The following KRR1 variants were observed in gnomAD, a reference collection of about 807,000 sequenced individuals.
KRR1 encodes KRR1 small subunit processome component homolog.
In KRR1, 23 loss-of-function variants were observed where a neutral mutation model predicts 50.0. The ratio of observed to expected loss-of-function variants is 0.46; its 90% CI spans 0.33 to 0.65. KRR1 has a LOEUF of 0.65. KRR1 is among the 30% of genes least tolerant of loss of function. KRR1 has a pLI of 0.02. For missense variants in KRR1, 419 were observed against 442.4 expected, an observed-to-expected ratio of 0.95 and a Z score of 0.47; for synonymous variants, 133 against 146.3, an observed-to-expected ratio of 0.91 and a Z score of 0.66.
rs1015915211 is a variant in KRR1 at position 75,493,489 on chromosome 12, G to A, written c.*6320C>T. ...CCTGGGCACCATGAACAAGGGTATG[G>A]TGTGTAACAGATCTTTACTCAGAGT... On this transcript the variant is annotated 3_prime_UTR_variant, in exon 10 of 10. Transcript: ENST00000229214. 4 of 152,138 alleles carry A rather than the reference G, an allele frequency of 2.6e-5. No homozygotes were observed. The highest frequency in any genetic ancestry group is 9.7e-5 in the African/African-American group (4 of 41,416). 9.4% of individuals were successfully genotyped at this position (152,138 alleles called of 1,614,324 possible).
rs779551304 is a variant in KRR1 at position 75,505,213 on chromosome 12, T to A, written c.645A>T (p.Pro215=). The A allele has an allele frequency of 3.8e-6, 6 of 1,565,040 alleles. No individual in the cohort carries two copies. The change falls in exon 6 of 10, where the codon CCA becomes CCT. Residue 215 remains proline (P), a synonymous_variant. Coordinates refer to ENST00000229214, the MANE Select transcript of KRR1 (RefSeq NM_007043.7). The stretch of plus-strand genomic sequence containing the variant: ...TACCACTCACTTTAATGTTATAAAT[T>A]GGATGAATATTCTTCATAGTATCAA... The part of the protein sequence containing the change: ...VVLDTMKNIH[P]IYNIKSLMIK...
At position 75,501,823 on chromosome 12, in the gene KRR1, TAATA is replaced by T; in HGVS notation, c.910-11_910-8del. ...TGGCTTCTGCTTGTTTAGCCTACAT[TAATA>T]AATAAAAAATATATCAGTTAAATGT... On this transcript the variant is annotated splice_region_variant and splice_polypyrimidine_tract_variant and intron_variant, in intron 8 of 9. Coordinates refer to ENST00000229214, the MANE Select transcript of KRR1 (RefSeq NM_007043.7). 1 of 1,591,598 alleles carries T rather than the reference TAATA, an allele frequency of 6.3e-7. No homozygotes were observed. Among genetic ancestry groups the T allele is most frequent in the Non-Finnish European group, 8.6e-7 (1 of 1,167,750 alleles).
rs776295153 is a variant in KRR1 at position 75,501,832 on chromosome 12, A to G, written c.910-16T>C. 5 of 1,580,908 alleles carry G rather than the reference A, an allele frequency of 3.2e-6. No homozygotes were observed. The South Asian group carries it at 5.7e-5, about 18-fold the overall frequency. On this transcript the variant is annotated splice_polypyrimidine_tract_variant and intron_variant, in intron 8 of 9. Coordinates refer to ENST00000229214, the MANE Select transcript of KRR1 (RefSeq NM_007043.7). The stretch of plus-strand genomic sequence containing the variant: ...CTTGTTTAGCCTACATTAATAAATA[A>G]AAAATATATCAGTTAAATGTATTTA...
chr12:75,494,918 G>A lies in KRR1; in HGVS notation c.*4891C>T, dbSNP rs2046341717. On this transcript the variant is annotated 3_prime_UTR_variant, in exon 10 of 10. Transcript: ENST00000229214. ...ACAGTAACTTCCTCATAGGGTTTTT[G>A]TGAAGATTATTTCATTCAAGGTTGT... is the stretch of plus-strand genomic sequence containing the variant. The A allele has an allele frequency of 6.6e-6, 1 of 152,226 alleles. No individual in the cohort carries two copies. The highest frequency in any genetic ancestry group is 6.5e-5 in the Admixed American group (1 of 15,290). The allele number at this position is 152,226 out of a possible 1,614,324, so 9.4% of individuals were successfully genotyped here. A position where few individuals can be genotyped will look rare whatever the true frequency, so the allele number is the denominator to read the frequency against.
In KRR1 at chr12:75,496,598, A is replaced by G. The variant is rs1258075592; in HGVS notation, c.*3211T>C. 6.6e-6 allele frequency: 1 copy of G among 152,142 alleles called. No individual in the cohort carries two copies. The highest frequency in any genetic ancestry group is 1.5e-5 in the Non-Finnish European group (1 of 68,030). The allele number at this position is 152,142 out of a possible 1,614,324, so 9.4% of individuals were successfully genotyped here. A position where few individuals can be genotyped will look rare whatever the true frequency, so the allele number is the denominator to read the frequency against. On this transcript the variant is annotated 3_prime_UTR_variant, in exon 10 of 10. Transcript: ENST00000229214. The stretch of plus-strand genomic sequence containing the variant: ...TTTTTTACCATGGTGTGAAGGGGAA[A>G]CTTCAATTAAGCTGTGCAAAGCCTG...
chr12:75,495,487 A>G lies in KRR1; in HGVS notation c.*4322T>C, dbSNP rs2046344673. On this transcript the variant is annotated 3_prime_UTR_variant, in exon 10 of 10. Coordinates refer to ENST00000229214, the MANE Select transcript of KRR1 (RefSeq NM_007043.7). The stretch of plus-strand genomic sequence containing the variant: ...CTGGACCTTTGTACTTCACTCCACT[A>G]TTCTTCTGGATTTAGTTAAGGATTC... 2 of 700,656 alleles carry G rather than the reference A, an allele frequency of 2.9e-6. No homozygotes were observed. Among genetic ancestry groups the G allele is most frequent in the Admixed American group, 2.2e-5 (1 of 46,118 alleles). The allele number at this position is 700,656 out of a possible 1,614,324, so 43.4% of individuals were successfully genotyped here. A position where few individuals can be genotyped will look rare whatever the true frequency, so the allele number is the denominator to read the frequency against.
Position 75,506,338 on chromosome 12 carries a change from C to G in KRR1, c.581G>C (p.Gly194Ala). Residue 194 changes from glycine to alanine, a missense_variant, in exon 5 of 10, where the codon GGA (glycine) becomes GCA (alanine). By Grantham distance (60) the Gly-to-Ala change is moderately conservative. Coordinates refer to ENST00000229214, the MANE Select transcript of KRR1 (RefSeq NM_007043.7). ...CACCTCTTTTAAGCCACTAAAAGGT[C>G]CAATGGCTGAAACTGTGTTTCCCTG... ...MVQGNTVSAI[G>A]PFSGLKEVRK... 1 of 1,610,326 alleles carries G rather than the reference C, an allele frequency of 6.2e-7. No individual in the cohort carries two copies. Among genetic ancestry groups the G allele is most frequent in the Non-Finnish European group, 8.5e-7 (1 of 1,177,600 alleles).
Position 75,511,363 on chromosome 12 carries a change from G to A in KRR1, c.85+150C>T, listed in dbSNP as rs1318182110. The stretch of plus-strand genomic sequence containing the variant: ...CCATATCGGCCAGCCGTTCCTGTGG[G>A]CCCAGCCAAAATCTTATCAGCGATT... On this transcript the variant is annotated intron_variant, in intron 1 of 9. Coordinates refer to ENST00000229214, the MANE Select transcript of KRR1 (RefSeq NM_007043.7). 7 of 671,964 alleles carry A rather than the reference G, an allele frequency of 1.0e-5. No individual in the cohort carries two copies. In the East Asian group the frequency reaches 1.3e-4, roughly 13 times the overall value. 41.6% of individuals were successfully genotyped at this position (671,964 alleles called of 1,614,324 possible). A position where few individuals can be genotyped will look rare whatever the true frequency, so the allele number is the denominator to read the frequency against.
rs1455334688 is a variant in KRR1, at chr12:75,491,815, T to C, written c.*7994A>G. On this transcript the variant is annotated 3_prime_UTR_variant, in exon 10 of 10. Coordinates refer to ENST00000229214, the MANE Select transcript of KRR1 (RefSeq NM_007043.7). ...TATAAAAGTTTTTATATTTTAAAGG[T>C]TTTTAACCATTTGCAATATATATAA... is the stretch of plus-strand genomic sequence containing the variant. The C allele has an allele frequency of 6.6e-6, 1 of 152,122 alleles. No homozygotes were observed. Among genetic ancestry groups the C allele is most frequent in the Non-Finnish European group, 1.5e-5 (1 of 68,020 alleles). 9.4% of individuals were successfully genotyped at this position (152,122 alleles called of 1,614,324 possible). A position where few individuals can be genotyped will look rare whatever the true frequency, so the allele number is the denominator to read the frequency against.
rs757605341 is a variant in KRR1, at chr12:75,506,544, A to T, written c.459T>A (p.Asn153Lys). 1 of 1,608,040 alleles carries T rather than the reference A, an allele frequency of 6.2e-7. No individual in the cohort carries two copies. The highest frequency in any genetic ancestry group is 1.7e-5 in the Admixed American group (1 of 59,120). Reference protein sequence around the residue: ...DIIKIGSLVRNKERFVKRRQR... With the variant: ...DIIKIGSLVRKKERFVKRRQR... Reference sequence around the variant, plus strand: ...GTCTTCGTTTTACAAATCTCTCTTTATTCCTTACTAAAGAACCTATTTTAA... The same window carrying T: ...GTCTTCGTTTTACAAATCTCTCTTTTTTCCTTACTAAAGAACCTATTTTAA... The change falls in exon 4 of 10, where the codon AAT (asparagine) becomes AAA (lysine). Residue 153 changes from asparagine to lysine, a missense_variant. Physicochemically the swap from Asn to Lys is moderately conservative, Grantham distance 94. Coordinates refer to ENST00000229214, the MANE Select transcript of KRR1 (RefSeq NM_007043.7).
At position 75,492,102 on chromosome 12, in the gene KRR1, T is replaced by TTC. The variant is rs1418441625; in HGVS notation, c.*7706_*7707insGA. ...ACTTTTCATGACTTTTTTTTTTTTT[T>TTC]TTGAGACAGGGTCTCTCACTCTGTC... On this transcript the variant is annotated 3_prime_UTR_variant, in exon 10 of 10. Transcript: ENST00000229214. 1 of 151,752 alleles carries TTC rather than the reference T, an allele frequency of 6.6e-6. No individual in the cohort carries two copies. Among genetic ancestry groups the TTC allele is most frequent in the Non-Finnish European group, 1.5e-5 (1 of 67,958 alleles). 9.4% of individuals were successfully genotyped at this position (151,752 alleles called of 1,614,324 possible).
chr12:75,510,176 A>G (rs972348589), intron 1 of KRR1, among the ~76,000 whole-genome samples: 3 of 152,186 alleles, frequency 2.0e-5, no homozygotes, highest in African/African-American at 4.8e-5. Flanking sequence ...AGGCAATGAC[A>G]ACTTTCGTCC....
intron 1 of KRR1, among the ~76,000 whole-genome samples, chr12:75,511,087 T>C (rs1046867372): frequency 3.3e-5 from 5 of 152,202 alleles, no homozygotes; most frequent in Non-Finnish European, 5.9e-5. Flanking sequence ...GCTAAGGACA[T>C]GTCGGATAGC....
At chr12:75,504,138 C>A in intron 6 of KRR1, 64 bp from the exon 7 acceptor site, 1 of 1,165,786 alleles carries the variant, frequency 8.6e-7, no homozygotes, top group Non-Finnish European at 1.2e-6. Flanking sequence ...CAGACTCAGA[C>A]ATTATAAATA....
chr12:75,510,817 T>G (rs1374192183), intron 1 of KRR1, among the ~76,000 whole-genome samples: 1 of 152,212 alleles, frequency 6.6e-6, no homozygotes, highest in Non-Finnish European at 1.5e-5. Flanking sequence ...AAAGAAACTT[T>G]GAATACTTTC....
chr12:75,502,313 G>A, intron 7 of KRR1: 1 of 228,586 alleles, frequency 4.4e-6, no homozygotes, highest in Non-Finnish European at 8.6e-6. Flanking sequence ...AGCTTCAATG[G>A]CAGACAAAGT....
In KRR1 at chr12:75,496,503, A is replaced by G. The variant is rs2046352477; in HGVS notation, c.*3306T>C. On this transcript the variant is annotated 3_prime_UTR_variant, in exon 10 of 10. Transcript: ENST00000229214. Reference sequence around the variant, plus strand: ...CAAAATTCTGCTTTGTGATTTTGAAATATTAGTAAGTGACCAAGAGTTTAT... The same window carrying G: ...CAAAATTCTGCTTTGTGATTTTGAAGTATTAGTAAGTGACCAAGAGTTTAT... 6.6e-6 allele frequency: 1 copy of G among 152,188 alleles called. No individual in the cohort carries two copies. Among genetic ancestry groups the G allele is most frequent in the African/African-American group, 2.4e-5 (1 of 41,454 alleles). The allele number at this position is 152,188 out of a possible 1,614,324, so 9.4% of individuals were successfully genotyped here.
intron 9 of KRR1, chr12:75,500,740 A>G (rs1389300749): frequency 6.6e-6 from 1 of 152,080 alleles, no homozygotes; most frequent in Non-Finnish European, 1.5e-5. Flanking sequence ...ACAGGATCAC[A>G]GCATAAAAGA....
rs960640208 is a variant in KRR1, at chr12:75,496,664, A to C, written c.*3145T>G. ...CATATTTGTAACAAACTGAACTCAG[A>C]GCAGCCGGGCTAGAGTAGGGTGCTT... On this transcript the variant is annotated 3_prime_UTR_variant, in exon 10 of 10. Transcript: ENST00000229214. The C allele has an allele frequency of 2.0e-5, 3 of 152,178 alleles. No individual in the cohort carries two copies. The allele number at this position is 152,178 out of a possible 1,614,324, so 9.4% of individuals were successfully genotyped here.
Sources: gnomAD v4.1 joint callset for allele counts (sites outside exome capture counted in the v4.1 genomes callset) on GRCh38, gnomAD v4.1.1 for gene constraint, MANE v1.5 for transcripts, NCBI Gene and HGNC (gene_info 2026-07-23, HGNC 2026-07-21) for gene names.